The following ZNF676 variants were observed in gnomAD, a reference collection of about 807,000 sequenced individuals.
The protein encoded by ZNF676 is zinc finger protein 676.
ZNF676 carries 4 observed loss-of-function variants against 6.0 expected under a neutral mutation model. The ratio of observed to expected loss-of-function variants is 0.67; its 90% CI spans 0.33 to 1.53. The LOEUF (loss-of-function observed/expected upper bound fraction) is 1.53. Ranked by LOEUF, ZNF676 falls within the 40% of genes most tolerant of loss-of-function variation. The probability of loss-of-function intolerance (pLI) is 0.06; values close to 1 mark genes in which losing one functional copy is unlikely to be tolerated. For synonymous variants in ZNF676, 198 were observed against 223.1 expected (o/e 0.89, Z 1.00); for missense variants, 644 against 679.7 (o/e 0.95, Z 0.58).
upstream of ZNF676, among the ~76,000 whole-genome samples, chr19:22,200,653 G>A (rs559708983): frequency 8.6e-5 from 13 of 150,848 alleles, no homozygotes; most frequent in South Asian, 1.1e-3. Flanking sequence ...CAAGTAGCCA[G>A]GACTACAGGC....
intron 1 of ZNF676, among the ~76,000 whole-genome samples, chr19:22,208,898 A>C (rs772956458): frequency 1.6e-4 from 25 of 152,170 alleles, no homozygotes; most frequent in Non-Finnish European, 4.4e-5. Context: ...CCAAGATCAC[A>C]CCACTGCACT....
upstream of ZNF676, among the ~76,000 whole-genome samples, chr19:22,216,307 C>T (rs1348497730): frequency 6.6e-6 from 1 of 151,762 alleles, no homozygotes; most frequent in East Asian, 2.0e-4. Flanking sequence ...TGGTGGTGGG[C>T]GCCTGTAATC....
At chr19:22,199,957 AC>A (rs1163225386), upstream of ZNF676, among the ~76,000 whole-genome samples, 5 of 152,096 alleles carry the variant, frequency 3.3e-5, no homozygotes, top group Non-Finnish European at 7.4e-5. Flanking sequence ...AGTATTCATG[AC>A]CCAAAACTCT....
At position 22,193,131 on chromosome 19, in the gene ZNF676, C is replaced by T; in HGVS notation, c.35-20G>A. On this transcript the variant is annotated intron_variant, in intron 1 of 2. Transcript: ENST00000397121. Reference sequence around the variant, plus strand: ...CAATACCTGTTTTATTAAAAATGAACAACATCCATCTTGCTCATATTCTCC... The same window carrying T: ...CAATACCTGTTTTATTAAAAATGAATAACATCCATCTTGCTCATATTCTCC... 6.3e-7 allele frequency: 1 copy of T among 1,583,334 alleles called. No individual in the cohort carries two copies. The highest frequency in any genetic ancestry group is 8.6e-7 in the Non-Finnish European group (1 of 1,166,698).
the ZNF676 span, among the ~76,000 whole-genome samples, chr19:22,235,012 GAAAGAAAGAAAGAAAGAAAGAAAA>G: frequency 1.0e-5 from 1 of 97,432 alleles, no homozygotes; most frequent in African/African-American, 4.1e-5. Context: ...AAGAAAGAAA[GAAAGAAAGAAAGAAAGAAAGAAAA>G]GAAAAGAAGG....
At chr19:22,250,112 G>T in the ZNF676 span, among the ~76,000 whole-genome samples, 1 of 151,834 alleles carries the variant, frequency 6.6e-6, no homozygotes, top group South Asian at 2.1e-4. Context: ...AGCCCAGGAG[G>T]CGGAGGTTTC....
chr19:22,204,833 C>T (rs1242118412), intron 1 of ZNF676, among the ~76,000 whole-genome samples: 1 of 152,084 alleles, frequency 6.6e-6, no homozygotes, highest in Non-Finnish European at 1.5e-5. Flanking sequence ...CAGATAAAGA[C>T]AATTCTGAGT....
intron 1 of ZNF676, among the ~76,000 whole-genome samples, chr19:22,204,621 G>A (rs2024058669): frequency 6.6e-6 from 1 of 152,014 alleles, no homozygotes. Flanking sequence ...TGGATAATCG[G>A]GTTTCTGCCA....
intron 2 of ZNF676, among the ~76,000 whole-genome samples, chr19:22,191,364 C>T (rs1339417947): frequency 6.6e-6 from 1 of 152,122 alleles, no homozygotes; most frequent in African/African-American, 2.4e-5. Context: ...CCATCCCAAA[C>T]TCCTCCCAGC....
chr19:22,254,128 T>C, the ZNF676 span, among the ~76,000 whole-genome samples: 3 of 152,180 alleles, frequency 2.0e-5, no homozygotes, highest in Admixed American at 1.3e-4. Context: ...TGTCACAATC[T>C]TTCCTGAGGT....
At chr19:22,250,656 T>C in the ZNF676 span, among the ~76,000 whole-genome samples, 2 of 151,846 alleles carry the variant, frequency 1.3e-5, no homozygotes, top group Non-Finnish European at 2.9e-5. Flanking sequence ...GGCTTCCAAC[T>C]ATGTCTACAC....
intron 1 of ZNF676, among the ~76,000 whole-genome samples, chr19:22,202,517 C>G (rs1243701480): frequency 6.6e-6 from 1 of 152,100 alleles, no homozygotes; most frequent in Non-Finnish European, 1.5e-5. Context: ...TATATTATGT[C>G]TGGTAATTCT....
At chr19:22,218,618 A>G (rs1260382013), upstream of ZNF676, among the ~76,000 whole-genome samples, 1 of 151,736 alleles carries the variant, frequency 6.6e-6, no homozygotes, top group Non-Finnish European at 1.5e-5. Flanking sequence ...TGCTGGGATT[A>G]CAGGTATAAG....
chr19:22,207,773 G>A (rs2024090407), intron 1 of ZNF676, among the ~76,000 whole-genome samples: 1 of 151,948 alleles, frequency 6.6e-6, no homozygotes, highest in East Asian at 1.9e-4. Context: ...AACAGAATAG[G>A]GAGCCCAGAA....
chr19:22,196,200 T>C (rs1409845274), intron 1 of ZNF676, among the ~76,000 whole-genome samples: 1 of 152,134 alleles, frequency 6.6e-6, no homozygotes, highest in Non-Finnish European at 1.5e-5. Flanking sequence ...AAACTGTTTA[T>C]CATGAGTGCA....
intron 1 of ZNF676, chr19:22,204,139 A>AAC (rs1568533820): frequency 6.3e-4 from 96 of 152,302 alleles, no homozygotes; most frequent in African/African-American, 2.0e-3. Flanking sequence ...ATAGCAGCAT[A>AAC]CTAATTTGGT....
chr19:22,185,844 A>G (rs1436444930), intron 2 of ZNF676, among the ~76,000 whole-genome samples: 1 of 152,038 alleles, frequency 6.6e-6, no homozygotes, highest in Non-Finnish European at 1.5e-5. Flanking sequence ...AAAAGAATAA[A>G]GAGAAACAAA....
the ZNF676 span, among the ~76,000 whole-genome samples, chr19:22,235,229 A>G: frequency 9.0e-4 from 137 of 152,270 alleles, no homozygotes; most frequent in Middle Eastern, 3.4e-3. Context: ...TGCAAATAGC[A>G]TCTTTATTTT....
In ZNF676 at chr19:22,180,549, C is replaced by T. The variant is rs2023721760; in HGVS notation, c.1168G>A (p.Glu390Lys). The change falls in exon 3 of 3, where the codon GAG becomes AAG. Residue 390 changes from glutamate (E) to lysine (K), a missense_variant. Glu to Lys is a moderately conservative substitution (Grantham distance 56). Transcript: ENST00000397121. ...CATTCTTCACATTTGTAGGGCTTCT[C>T]TTCAGCATGAATTGCCTTATGTGTA... is the stretch of plus-strand genomic sequence containing the variant. Reference protein sequence around the residue: ...LNTHKAIHAEEKPYKCEECGK... With the variant: ...LNTHKAIHAEKKPYKCEECGK... The T allele has an allele frequency of 1.9e-6, 3 of 1,612,320 alleles. No individual in the cohort carries two copies. The highest frequency in any genetic ancestry group is 2.5e-6 in the Non-Finnish European group (3 of 1,179,732).
Sources: gnomAD v4.1 joint callset for allele counts (sites outside exome capture counted in the v4.1 genomes callset) on GRCh38, gnomAD v4.1.1 for gene constraint, MANE v1.5 for transcripts, NCBI Gene and HGNC (gene_info 2026-07-23, HGNC 2026-07-21) for gene names.